The following CYP26C1 variants were observed in gnomAD, a reference collection of about 807,000 sequenced individuals.
CYP26C1 encodes cytochrome P450 26C1.
A neutral mutation model predicts 39.1 loss-of-function variants in CYP26C1; 41 were observed. The ratio of observed to expected loss-of-function variants is 1.05; its 90% CI spans 0.82 to 1.36. The LOEUF is 1.36. Among genes scored for constraint, CYP26C1 ranks in the 40% most tolerant of loss-of-function variants. The pLI is 0.00. For synonymous variants in CYP26C1, 362 were observed against 350.8 expected, an observed-to-expected ratio of 1.03 and a Z score of -0.36; for missense variants, 833 against 752.0, an observed-to-expected ratio of 1.11 and a Z score of -1.26.
At chr10:93,063,466 C>G in intron 3 of CYP26C1, 1 of 988,386 alleles carries the variant, frequency 1.0e-6, no homozygotes, top group Non-Finnish European at 1.2e-6. Flanking sequence ...TGGGCGTCAG[C>G]TCCACCAGCC....
chr10:93,061,951 G>A, intron 1 of CYP26C1, 59 bp from the exon 2 acceptor site: 1 of 1,510,062 alleles, frequency 6.6e-7, no homozygotes, highest in Non-Finnish European at 8.9e-7. Context: ...GGAAGGTCTG[G>A]GTCAGATCCC....
In CYP26C1 at chr10:93,068,447, C is replaced by G. The variant is rs759195045; in HGVS notation, c.1319C>G (p.Ser440Cys). Residue 440 changes from serine to cysteine, a missense_variant, in exon 6 of 6, where the codon TCC (serine) becomes TGC (cysteine). Physicochemically the swap from Ser to Cys is moderately radical, Grantham distance 112. Coordinates refer to ENST00000651965, the MANE Select transcript of CYP26C1 (RefSeq NM_183374.3). ...CGCTTCGGCGCAGCGCGCGAAGATT[C>G]CCGGGGCGCCTCCAGCCGCTTCCAT... The part of the protein sequence containing the change: ...PERFGAARED[S>C]RGASSRFHYI... 8.4e-5 allele frequency: 135 copies of G among 1,611,798 alleles called. No individual in the cohort carries two copies. Among genetic ancestry groups the G allele is most frequent in the Non-Finnish European group, 1.1e-4 (125 of 1,179,508 alleles).
At chr10:93,065,477 G>C (rs1247908567) in intron 4 of CYP26C1, among the ~76,000 whole-genome samples, 1 of 152,194 alleles carries the variant, frequency 6.6e-6, no homozygotes, top group Non-Finnish European at 1.5e-5. Flanking sequence ...CCATTGTCAG[G>C]CTGTTCCACT....
chr10:93,062,363 T>G (rs1269290202), intron 2 of CYP26C1, 129 bp downstream of exon 2: 19 of 1,018,906 alleles, frequency 1.9e-5, no homozygotes, highest in Non-Finnish European at 2.5e-5. Context: ...AACTAGCGGG[T>G]GGCCTTGGGC....
At position 93,063,440 on chromosome 10, in the gene CYP26C1, C is replaced by G. The variant is rs570288366; in HGVS notation, c.705+445C>G. ...AGCCCCGGTCCAGCCCAGCGCCAGC[C>G]CCGGACCCAGGGGTGTGGGCGTCAG... On this transcript the variant is annotated intron_variant, in intron 3 of 5. Transcript: ENST00000651965. 5.6e-5 allele frequency: 55 copies of G among 990,564 alleles called. No homozygotes were observed. In the African/African-American group the frequency reaches 9.5e-4, roughly 17 times the overall value. 61.4% of individuals were successfully genotyped at this position (990,564 alleles called of 1,614,324 possible). A position where few individuals can be genotyped will look rare whatever the true frequency, so the allele number is the denominator to read the frequency against.
At position 93,068,609 on chromosome 10, in the gene CYP26C1, C is replaced by T; in HGVS notation, c.1481C>T (p.Thr494Met). The T allele has an allele frequency of 6.2e-7, 1 of 1,600,900 alleles. No individual in the cohort carries two copies. The highest frequency in any genetic ancestry group is 1.1e-5 in the South Asian group (1 of 88,984). ...ACACCCGCCTTCCCCGCCATGCAGA[C>T]GGTGCCCATCGTGCACCCAGTGGAC... ...LATPAFPAMQ[T>M]VPIVHPVDGL... The change falls in exon 6 of 6, where the codon ACG (threonine) becomes ATG (methionine). Residue 494 changes from threonine (T) to methionine (M), a missense_variant. Thr to Met is a moderately conservative substitution (Grantham distance 81). Transcript: ENST00000651965.
chr10:93,063,979 G>C (rs1846783420), intron 3 of CYP26C1: 1 of 1,006,072 alleles, frequency 9.9e-7, no homozygotes, highest in South Asian at 4.4e-5. Flanking sequence ...AGCTTTGCTG[G>C]GTGCATCAAG....
chr10:93,063,521 G>C (rs1314664311), intron 3 of CYP26C1: 1 of 985,978 alleles, frequency 1.0e-6, no homozygotes, highest in Non-Finnish European at 1.2e-6. Flanking sequence ...TGCTTCTCCA[G>C]ACTTCAGAAC....
intron 2 of CYP26C1, 98 bp from the exon 3 acceptor site, chr10:93,062,622 G>A: frequency 8.9e-7 from 1 of 1,125,780 alleles, no homozygotes; most frequent in Non-Finnish European, 1.2e-6. Context: ...CCGCTTGGAA[G>A]AGGGAGAAAG....
chr10:93,064,618 C>A (rs1369744769), intron 4 of CYP26C1, 82 bp downstream of exon 4: 6 of 1,526,926 alleles, frequency 3.9e-6, no homozygotes, highest in Middle Eastern at 2.1e-4. Flanking sequence ...CCCAGAGCCA[C>A]ATCTTGTGTG....
rs1846867964 is a variant in CYP26C1, at chr10:93,069,332, C to T, written c.*635C>T. The T allele has an allele frequency of 6.6e-6, 1 of 152,272 alleles. No individual in the cohort carries two copies. The highest frequency in any genetic ancestry group is 1.9e-4 in the East Asian group (1 of 5,184). 9.4% of individuals were successfully genotyped at this position (152,272 alleles called of 1,614,324 possible). ...CCAGGCTCGAAAGGGCTCAAGGTCA[C>T]CGGATTCTGCTGGCCACTTCTTAAA... On this transcript the variant is annotated 3_prime_UTR_variant, in exon 6 of 6. Transcript: ENST00000651965.
chr10:93,062,252 T>C lies in CYP26C1; in HGVS notation c.429+18T>C. Reference sequence around the variant, plus strand: ...GGCGCAAGGTGAGTGGAAACGGGAATGGACCGTAGATACGTCGGATCCGCG... The same window carrying C: ...GGCGCAAGGTGAGTGGAAACGGGAACGGACCGTAGATACGTCGGATCCGCG... On this transcript the variant is annotated intron_variant, in intron 2 of 5. Coordinates refer to ENST00000651965, the MANE Select transcript of CYP26C1 (RefSeq NM_183374.3). 1 of 1,510,850 alleles carries C rather than the reference T, an allele frequency of 6.6e-7. No homozygotes were observed. Among genetic ancestry groups the C allele is most frequent in the Non-Finnish European group, 8.8e-7 (1 of 1,132,808 alleles). 93.6% of individuals were successfully genotyped at this position (1,510,850 alleles called of 1,614,324 possible).
chr10:93,064,198 G>C (rs1846787787), intron 3 of CYP26C1, 183 bp from the exon 4 acceptor site: 2 of 1,393,972 alleles, frequency 1.4e-6, no homozygotes, highest in African/African-American at 2.9e-5. Context: ...GATGTTTGTG[G>C]ACAGTGGACA....
In CYP26C1 at chr10:93,066,023, T is replaced by G; in HGVS notation, c.929T>G (p.Leu310Arg). The change falls in exon 5 of 6, where the codon CTG (leucine) becomes CGG (arginine). Residue 310 changes from leucine to arginine, a missense_variant. Transcript: ENST00000651965. ...GCCAGTGCCAGCACCTCGCTCGTCC[T>G]GCTGCTACTGCAGCATCCGGCGGCC... is the stretch of plus-strand genomic sequence containing the variant. The part of the protein sequence containing the change: ...TTASASTSLV[L>R]LLLQHPAAIA... 1 of 1,567,308 alleles carries G rather than the reference T, an allele frequency of 6.4e-7. No individual in the cohort carries two copies. Among genetic ancestry groups the G allele is most frequent in the Non-Finnish European group, 8.6e-7 (1 of 1,159,982 alleles).
intron 2 of CYP26C1, 62 bp from the exon 3 acceptor site, chr10:93,062,658 C>G: frequency 3.7e-6 from 5 of 1,345,474 alleles, no homozygotes; most frequent in Non-Finnish European, 4.8e-6. Context: ...TCTGGCTACT[C>G]CGGAATCGCC....
Position 93,061,095 on chromosome 10 carries a change from C to G in CYP26C1, c.-169C>G. 3 of 679,486 alleles carry G rather than the reference C, an allele frequency of 4.4e-6. No individual in the cohort carries two copies. Among genetic ancestry groups the G allele is most frequent in the Non-Finnish European group, 7.3e-6 (3 of 412,740 alleles). 42.1% of individuals were successfully genotyped at this position (679,486 alleles called of 1,614,324 possible). On this transcript the variant is annotated 5_prime_UTR_variant, in exon 1 of 6. Transcript: ENST00000651965. Reference sequence around the variant, plus strand: ...GTCACTGCAGTCTTTCACCGTCCGTCTGTTTTTAGAACAGAGTTCTGGCCT... The same window carrying G: ...GTCACTGCAGTCTTTCACCGTCCGTGTGTTTTTAGAACAGAGTTCTGGCCT...
Position 93,062,821 on chromosome 10 carries a change from G to T in CYP26C1, c.531G>T (p.Gly177=), listed in dbSNP as rs768694142. ...TGCGCTCCTGGTGCGCGGCGGGCGGGCCGGTCTCAGTCTACGACGCCTCCA... is the reference window on the plus strand; with the variant it reads ...TGCGCTCCTGGTGCGCGGCGGGCGGTCCGGTCTCAGTCTACGACGCCTCCA... ...HEVRSWCAAG[G]PVSVYDASKA... The change falls in exon 3 of 6, where the codon GGG becomes GGT. Residue 177 remains glycine, a synonymous_variant. Coordinates refer to ENST00000651965, the MANE Select transcript of CYP26C1 (RefSeq NM_183374.3). The T allele has an allele frequency of 2.6e-6, 4 of 1,567,974 alleles. No homozygotes were observed. Among genetic ancestry groups the T allele is most frequent in the Non-Finnish European group, 3.4e-6 (4 of 1,163,378 alleles).
rs1357761495 is a variant in CYP26C1 at position 93,061,219 on chromosome 10, C to T, written c.-45C>T. The T allele has an allele frequency of 2.0e-6, 3 of 1,537,836 alleles. No homozygotes were observed. Among genetic ancestry groups the T allele is most frequent in the Non-Finnish European group, 1.7e-6 (2 of 1,145,130 alleles). On this transcript the variant is annotated 5_prime_UTR_variant, in exon 1 of 6. Transcript: ENST00000651965. ...GCTCGCGCCCCGGTTCTTGCGTCCCCTGCTCTCCCTGCGCTCTGAGCGGCC... is the reference window on the plus strand; with the variant it reads ...GCTCGCGCCCCGGTTCTTGCGTCCCTTGCTCTCCCTGCGCTCTGAGCGGCC...
rs1206795310 is a variant in CYP26C1 at position 93,062,751 on chromosome 10, T to G, written c.461T>G (p.Leu154Arg). ...VLARVFSRAA[L>R]ERYVPRLQGA... ...GCGCGCGTGTTCAGCCGCGCCGCGC[T>G]GGAGCGCTACGTGCCGCGCCTGCAG... The change falls in exon 3 of 6, where the codon CTG (leucine) becomes CGG (arginine). Residue 154 changes from leucine (L) to arginine (R), a missense_variant. Coordinates refer to ENST00000651965, the MANE Select transcript of CYP26C1 (RefSeq NM_183374.3). The G allele has an allele frequency of 6.8e-7, 1 of 1,476,402 alleles. No homozygotes were observed. Among genetic ancestry groups the G allele is most frequent in the Non-Finnish European group, 8.9e-7 (1 of 1,123,628 alleles). The allele number at this position is 1,476,402 out of a possible 1,614,324, so 91.5% of individuals were successfully genotyped here. A position where few individuals can be genotyped will look rare whatever the true frequency, so the allele number is the denominator to read the frequency against.
Sources: gnomAD v4.1 joint callset for allele counts (sites outside exome capture counted in the v4.1 genomes callset) on GRCh38, gnomAD v4.1.1 for gene constraint, MANE v1.5 for transcripts, NCBI Gene and HGNC (gene_info 2026-07-23, HGNC 2026-07-21) for gene names.